Variants in ERBB4 observed in about 807,000 individuals in gnomAD.
ERBB4 encodes receptor tyrosine-protein kinase erbB-4.
ERBB4 carries 42 observed loss-of-function variants against 158.0 expected under a neutral mutation model. The observed-to-expected ratio is 0.27, with a 90% CI of 0.21 to 0.34. ERBB4 has a LOEUF of 0.34. Ranked by LOEUF, ERBB4 falls within the 10% of genes least tolerant of loss-of-function variation. ERBB4 has a pLI of 1.00. For synonymous variants in ERBB4, 583 were observed against 558.7 expected (o/e 1.04, Z -0.61); for missense variants, 1,333 against 1,624.1 (o/e 0.82, Z 3.08).
intron 1 of ERBB4, among the ~76,000 whole-genome samples, chr2:212,185,012 C>CTTTTTTTTCCTT (rs1553584025): frequency 7.1e-6 from 1 of 139,892 alleles, no homozygotes; most frequent in Non-Finnish European, 1.5e-5. Flanking sequence ...ATCACAGTTA[C>CTTTTTTTTCCTT]TTTTTTTTCT....
At chr2:212,210,805 G>T (rs938948933) in intron 1 of ERBB4, among the ~76,000 whole-genome samples, 5 of 152,136 alleles carry the variant, frequency 3.3e-5, no homozygotes, top group African/African-American at 9.6e-5. Context: ...GGATGTCATG[G>T]TTTCATTTAT....
intron 1 of ERBB4, among the ~76,000 whole-genome samples, chr2:212,239,015 C>A (rs2083984939): frequency 6.6e-6 from 1 of 152,092 alleles, no homozygotes; most frequent in Admixed American, 6.5e-5. Context: ...AATTAATGGC[C>A]TTTATTAAAT....
At chr2:211,682,937 T>G (rs546655144) in intron 12 of ERBB4, among the ~76,000 whole-genome samples, 12 of 151,936 alleles carry the variant, frequency 7.9e-5, no homozygotes, top group Non-Finnish European at 1.5e-4. Flanking sequence ...GTTGGTCCAT[T>G]CTGTTCTCTT....
At chr2:212,257,912 T>A (rs1441170897) in intron 1 of ERBB4, among the ~76,000 whole-genome samples, 2 of 152,098 alleles carry the variant, frequency 1.3e-5, no homozygotes, top group Non-Finnish European at 2.9e-5. Context: ...ATAAAAACGG[T>A]CCCCAATCTG....
intron 3 of ERBB4, among the ~76,000 whole-genome samples, chr2:211,886,855 T>C (rs770379103): frequency 2.0e-5 from 3 of 152,210 alleles, no homozygotes; most frequent in Non-Finnish European, 4.4e-5. Context: ...CTCCTGCACA[T>C]TGAAGGCAGT....
At chr2:212,391,416 T>C (rs939379732) in intron 1 of ERBB4, among the ~76,000 whole-genome samples, 5 of 151,186 alleles carry the variant, frequency 3.3e-5, no homozygotes, top group Non-Finnish European at 7.4e-5. Context: ...TATATTTGCT[T>C]AATGAGCAGA....
chr2:212,314,909 G>A (rs1363759296), intron 1 of ERBB4, among the ~76,000 whole-genome samples: 1 of 151,138 alleles, frequency 6.6e-6, no homozygotes, highest in Non-Finnish European at 1.5e-5. Context: ...ATTGTATAAT[G>A]GACTGAGGCT....
At chr2:212,331,240 T>C (rs2106294120) in intron 1 of ERBB4, among the ~76,000 whole-genome samples, 1 of 151,030 alleles carries the variant, frequency 6.6e-6, no homozygotes, top group African/African-American at 2.4e-5. Context: ...AAATAACCTA[T>C]TTCTATAACT....
At chr2:211,893,582 C>T (rs1341261503) in intron 3 of ERBB4, among the ~76,000 whole-genome samples, 1 of 141,452 alleles carries the variant, frequency 7.1e-6, no homozygotes, top group Non-Finnish European at 1.5e-5. Context: ...AACTAAAGAG[C>T]TTCTGCACAG....
At chr2:212,227,623 C>T (rs972438564) in intron 1 of ERBB4, among the ~76,000 whole-genome samples, 2 of 152,088 alleles carry the variant, frequency 1.3e-5, no homozygotes, top group Non-Finnish European at 2.9e-5. Context: ...AATTGAGCAT[C>T]CAGACACTGC....
chr2:212,476,470 C>T (rs1470825345), intron 1 of ERBB4, among the ~76,000 whole-genome samples: 1 of 152,104 alleles, frequency 6.6e-6, no homozygotes, highest in African/African-American at 2.4e-5. Flanking sequence ...TCTCTCTACC[C>T]TCTTCAATAT....
At chr2:212,230,021 A>T (rs1028408998) in intron 1 of ERBB4, among the ~76,000 whole-genome samples, 5 of 152,228 alleles carry the variant, frequency 3.3e-5, no homozygotes, top group Admixed American at 1.3e-4. Flanking sequence ...GCGGTGGTTC[A>T]CGCCTGTAAT....
chr2:211,422,242 G>C (rs576331352), intron 23 of ERBB4, 138 bp from the exon 24 acceptor site: 22 of 581,310 alleles, frequency 3.8e-5, no homozygotes, highest in Non-Finnish European at 4.2e-5. Context: ...GCAAGCTAGT[G>C]AAAGAAACGA....
chr2:211,944,191 A>AGTGTATATG (rs375372700), intron 3 of ERBB4, among the ~76,000 whole-genome samples: 1 of 86,146 alleles, frequency 1.2e-5, no homozygotes, highest in Non-Finnish European at 2.1e-5. Flanking sequence ...ATATATATAT[A>AGTGTATATG]TATATATACT....
intron 3 of ERBB4, among the ~76,000 whole-genome samples, chr2:211,798,817 A>G (rs13005722): frequency 0.18 from 27,877 of 152,048 alleles, 2,773 homozygotes; most frequent in South Asian, 0.37. Flanking sequence ...TAATTAAAAA[A>G]TTGGGTTTCT....
chr2:211,796,894 G>A (rs553637786), intron 3 of ERBB4, among the ~76,000 whole-genome samples: 122 of 151,938 alleles, frequency 8.0e-4, no homozygotes, highest in Non-Finnish European at 1.5e-3. Flanking sequence ...TTATTGTTAA[G>A]AGATCTGGTT....
chr2:212,315,844 G>C (rs936951052), intron 1 of ERBB4, among the ~76,000 whole-genome samples: 1 of 151,376 alleles, frequency 6.6e-6, no homozygotes, highest in Non-Finnish European at 1.5e-5. Flanking sequence ...ACACAACAGA[G>C]AGCCAATTAT....
chr2:212,393,898 T>C (rs4627509), intron 1 of ERBB4, among the ~76,000 whole-genome samples: 24,143 of 152,094 alleles, frequency 0.16, 2,212 homozygotes, highest in South Asian at 0.25. Context: ...CTAGGCCAGA[T>C]GCAAAAATGC....
At chr2:211,579,861 C>T (rs2068014901) in intron 19 of ERBB4, among the ~76,000 whole-genome samples, 2 of 152,006 alleles carry the variant, frequency 1.3e-5, no homozygotes, top group Non-Finnish European at 1.5e-5. Flanking sequence ...GGCTTAATAC[C>T]TAGGTGATGG....
Sources: gnomAD v4.1 joint callset for allele counts (sites outside exome capture counted in the v4.1 genomes callset) on GRCh38, gnomAD v4.1.1 for gene constraint, MANE v1.5 for transcripts, NCBI Gene and HGNC (gene_info 2026-07-23, HGNC 2026-07-21) for gene names.